PDHX: variants seen among roughly 807,000 people sequenced by gnomAD.
PDHX encodes the protein pyruvate dehydrogenase complex component X.
PDHX carries 33 observed loss-of-function variants against 55.3 expected under a neutral mutation model. The ratio of observed to expected loss-of-function variants is 0.60; its 90% CI spans 0.45 to 0.80. The LOEUF is 0.80. PDHX is among the 30% of genes least tolerant of loss of function. The probability of loss-of-function intolerance (pLI) is 0.00; values close to 1 mark genes in which losing one functional copy is unlikely to be tolerated. For synonymous variants in PDHX, 226 were observed against 219.4 expected, an observed-to-expected ratio of 1.03 and a Z score of -0.27; for missense variants, 622 against 619.9, an observed-to-expected ratio of 1.00 and a Z score of -0.04.
chr11:34,960,340 C>A (rs370983473), intron 4 of PDHX, 80 bp from the exon 5 acceptor site: 4 of 913,530 alleles, frequency 4.4e-6, no homozygotes, highest in South Asian at 2.9e-5. Flanking sequence ...TAATTATTTG[C>A]GAAACTGTTG....
At chr11:34,957,707 AC>A in intron 4 of PDHX, 124 bp downstream of exon 4, 3 of 759,728 alleles carry the variant, frequency 3.9e-6, no homozygotes, top group Non-Finnish European at 4.5e-6. Context: ...TGTTCTCAGC[AC>A]ACTCAGACCT....
At chr11:34,951,322 G>A (rs994395775) in intron 3 of PDHX, among the ~76,000 whole-genome samples, 1 of 150,496 alleles carries the variant, frequency 6.6e-6, no homozygotes, top group Non-Finnish European at 1.5e-5. Flanking sequence ...GCCTCCCAAA[G>A]TGCTGGGATT....
intron 2 of PDHX, among the ~76,000 whole-genome samples, chr11:34,939,717 T>G (rs868749992): frequency 6.6e-6 from 1 of 152,226 alleles, no homozygotes; most frequent in Non-Finnish European, 1.5e-5. Flanking sequence ...GTAACTGAAA[T>G]ATGCAGTATT....
At chr11:34,939,916 ATT>A (rs1286103203) in intron 2 of PDHX, among the ~76,000 whole-genome samples, 1 of 152,164 alleles carries the variant, frequency 6.6e-6, no homozygotes, top group Non-Finnish European at 1.5e-5. Flanking sequence ...TGAAAGGTCA[ATT>A]GAGCTATCAT....
chr11:34,989,019 A>G (rs1426024422), intron 9 of PDHX, among the ~76,000 whole-genome samples: 3 of 152,234 alleles, frequency 2.0e-5, no homozygotes, highest in Non-Finnish European at 4.4e-5. Flanking sequence ...TGAGAAATGC[A>G]TGGTTAGGCG....
At chr11:34,931,323 G>A (rs755254235) in intron 1 of PDHX, 81 bp from the exon 2 acceptor site, 15 of 782,290 alleles carry the variant, frequency 1.9e-5, no homozygotes, top group Middle Eastern at 2.3e-4. Context: ...TGAATTTGAC[G>A]TTAATTTACT....
intron 3 of PDHX, among the ~76,000 whole-genome samples, chr11:34,949,808 T>C (rs1166991919): frequency 6.6e-6 from 1 of 152,196 alleles, no homozygotes; most frequent in Non-Finnish European, 1.5e-5. Flanking sequence ...CAAAATTATT[T>C]ACATTTATGT....
At chr11:34,940,585 A>G (rs1854450337) in intron 2 of PDHX, among the ~76,000 whole-genome samples, 1 of 152,164 alleles carries the variant, frequency 6.6e-6, no homozygotes, top group African/African-American at 2.4e-5. Flanking sequence ...ATACCATAAC[A>G]TTTACCTATT....
intron 2 of PDHX, among the ~76,000 whole-genome samples, chr11:34,934,571 ATTTT>A (rs35227178): frequency 1.3e-4 from 12 of 92,412 alleles, no homozygotes; most frequent in Non-Finnish European, 2.2e-4. Flanking sequence ...GATATTATGG[ATTTT>A]TTTTTTTTTT....
intron 1 of PDHX, among the ~76,000 whole-genome samples, chr11:34,917,271 A>G (rs1336124657): frequency 1.3e-5 from 2 of 152,192 alleles, no homozygotes; most frequent in Non-Finnish European, 2.9e-5. Flanking sequence ...CATTGAGGCC[A>G]GTCGAGTTTT....
intron 9 of PDHX, among the ~76,000 whole-genome samples, chr11:34,989,275 G>T (rs1260725297): frequency 6.6e-6 from 1 of 152,208 alleles, no homozygotes; most frequent in African/African-American, 2.4e-5. Context: ...TGCGGCACAT[G>T]ACTGCATGTA....
chr11:34,958,940 A>G lies in PDHX; in HGVS notation c.542+1357A>G, dbSNP rs145851073. Among the ~76,000 whole-genome samples the G allele has an allele frequency of 1.3e-3, 192 of 152,262 alleles. No individual in the cohort carries two copies. In the Middle Eastern group the frequency reaches 0.014, roughly 11 times the overall value. On this transcript the variant is annotated intron_variant, in intron 4 of 10. Transcript: ENST00000227868. ...ATCCTATATAAAAATCTAAAATTTC[A>G]GATTCTCTTGAAAAATCTAAAGATT... is the stretch of plus-strand genomic sequence containing the variant.
intron 9 of PDHX, among the ~76,000 whole-genome samples, chr11:34,986,734 GT>G (rs963424961): frequency 8.5e-5 from 13 of 152,264 alleles, no homozygotes; most frequent in African/African-American, 3.1e-4. Context: ...CAGCCTCTCA[GT>G]TGGGCCTCAC....
At chr11:34,966,573 G>C in intron 5 of PDHX, 67 bp from the exon 6 acceptor site, 2 of 1,463,744 alleles carry the variant, frequency 1.4e-6, no homozygotes, top group South Asian at 2.3e-5. Context: ...TCTCACCTGC[G>C]TTTTCTGAAA....
At chr11:34,945,248 T>C (rs1021438868) in intron 2 of PDHX, among the ~76,000 whole-genome samples, 10 of 152,202 alleles carry the variant, frequency 6.6e-5, no homozygotes, top group Admixed American at 6.5e-5. Flanking sequence ...TATTATTTTT[T>C]AGAGTTTGAG....
chr11:34,970,332 A>G, intron 7 of PDHX, 46 bp downstream of exon 7: 9 of 1,433,666 alleles, frequency 6.3e-6, no homozygotes, highest in Non-Finnish European at 8.8e-6. Context: ...TGCTAACTTA[A>G]CTTTCATGAA....
intron 10 of PDHX, 30 bp downstream of exon 10, chr11:34,992,409 C>T: frequency 9.0e-7 from 1 of 1,111,564 alleles, no homozygotes; most frequent in Non-Finnish European, 1.4e-6. Context: ...TTATCCATAG[C>T]ATCAAACAGA....
chr11:34,948,204 C>T (rs908950189), intron 3 of PDHX, among the ~76,000 whole-genome samples: 2 of 152,096 alleles, frequency 1.3e-5, no homozygotes, highest in Admixed American at 6.6e-5. Flanking sequence ...GACCTGTTAC[C>T]CAATTGCTCA....
intron 7 of PDHX, among the ~76,000 whole-genome samples, chr11:34,971,367 G>A (rs1855255230): frequency 6.6e-6 from 1 of 152,086 alleles, no homozygotes; most frequent in African/African-American, 2.4e-5. Flanking sequence ...GGTAAAAGCA[G>A]ATATTTTTGC....
Sources: gnomAD v4.1 joint callset for allele counts (sites outside exome capture counted in the v4.1 genomes callset) on GRCh38, gnomAD v4.1.1 for gene constraint, MANE v1.5 for transcripts, NCBI Gene and HGNC (gene_info 2026-07-23, HGNC 2026-07-21) for gene names.